HS2ST1: variants seen among roughly 807,000 people sequenced by gnomAD.
The protein encoded by HS2ST1 is 2-O-sulfotransferase.
A neutral mutation model predicts 42.9 loss-of-function variants in HS2ST1; 18 were observed. That is an observed-to-expected ratio of 0.42 (90% CI 0.29 to 0.62). The LOEUF is 0.62. Among genes scored for constraint, HS2ST1 ranks in the 20% least tolerant of loss-of-function variants. The pLI, the probability that HS2ST1 is intolerant of heterozygous loss-of-function variation, is 0.21. For synonymous variants in HS2ST1, 146 were observed against 152.9 expected (o/e 0.95, Z 0.33); for missense variants, 334 against 433.8 (o/e 0.77, Z 2.04).
In HS2ST1 at chr1:86,987,517, C is replaced by T. The variant is rs184228600; in HGVS notation, c.124+72357C>T. On this transcript the variant is annotated intron_variant, in intron 1 of 6. Coordinates refer to ENST00000370550, the MANE Select transcript of HS2ST1 (RefSeq NM_012262.4). ...CTCAAAACCATACTGCAGAATCAGC[C>T]TAAGGAGGTGATAATAATGCTTTGT... 1.1e-4 allele frequency among the ~76,000 whole-genome samples: 16 copies of T among 152,234 alleles called. No homozygotes were observed. The East Asian group carries it at 3.1e-3, about 29-fold the overall frequency.
chr1:87,043,384 C>T (rs1650568372), intron 1 of HS2ST1, among the ~76,000 whole-genome samples: 1 of 152,020 alleles, frequency 6.6e-6, no homozygotes, highest in Non-Finnish European at 1.5e-5. Flanking sequence ...CTAAATTAAG[C>T]CTTTAGATTG....
chr1:87,063,860 G>A (rs552097576), intron 1 of HS2ST1, among the ~76,000 whole-genome samples: 1 of 152,280 alleles, frequency 6.6e-6, no homozygotes, highest in African/African-American at 2.4e-5. Context: ...TTGGTATGAT[G>A]AATAAGTATT....
intron 1 of HS2ST1, among the ~76,000 whole-genome samples, chr1:87,014,334 A>T (rs1649687917): frequency 6.6e-6 from 1 of 151,910 alleles, no homozygotes; most frequent in Non-Finnish European, 1.5e-5. Context: ...GTGCAGGGGA[A>T]CTCCCCTTTA....
At chr1:87,024,580 T>A (rs905048111) in intron 1 of HS2ST1, among the ~76,000 whole-genome samples, 6 of 152,048 alleles carry the variant, frequency 3.9e-5, no homozygotes, top group Admixed American at 2.0e-4. Context: ...GGGACTATTG[T>A]GACCTTGAGC....
In HS2ST1 at chr1:86,914,891, A is replaced by G; in HGVS notation, c.-146A>G. 1.1e-6 allele frequency: 1 copy of G among 921,132 alleles called. No homozygotes were observed. Among genetic ancestry groups the G allele is most frequent in the Non-Finnish European group, 1.6e-6 (1 of 610,060 alleles). 57.1% of individuals were successfully genotyped at this position (921,132 alleles called of 1,614,324 possible). ...GGGGGAGGGGGACTGGAGAGGCGAG[A>G]AGGGGGGTCGCTGCGGTGGTTCTCT... On this transcript the variant is annotated 5_prime_UTR_variant, in exon 1 of 7. Transcript: ENST00000370550.
At chr1:86,915,693 C>T (rs951312252) in intron 1 of HS2ST1, among the ~76,000 whole-genome samples, 1 of 152,194 alleles carries the variant, frequency 6.6e-6, no homozygotes, top group Non-Finnish European at 1.5e-5. Flanking sequence ...GCGAGTTGCA[C>T]TCTTGTGCTC....
At chr1:86,919,113 T>C (rs1216549232) in intron 1 of HS2ST1, among the ~76,000 whole-genome samples, 1 of 151,804 alleles carries the variant, frequency 6.6e-6, no homozygotes, top group Non-Finnish European at 1.5e-5. Context: ...CCCAGGTAAT[T>C]TTTGTATTTT....
At chr1:86,960,623 AT>A (rs1327416164) in intron 1 of HS2ST1, among the ~76,000 whole-genome samples, 4 of 152,228 alleles carry the variant, frequency 2.6e-5, no homozygotes, top group Admixed American at 2.6e-4. Flanking sequence ...GGACAAAAAA[AT>A]CTGAACCTCC....
rs143492316 is a variant in HS2ST1 at position 87,028,427 on chromosome 1, T to C, written c.125-44507T>C. Among the ~76,000 whole-genome samples, 8 of 152,342 alleles carry C rather than the reference T, an allele frequency of 5.3e-5. No individual in the cohort carries two copies. The East Asian group carries it at 1.5e-3, about 29-fold the overall frequency. ...GTTTTACTGTCTTAAAAAAAATAAT[T>C]TGGGTACCCATTGAAGAGTATCCCA... On this transcript the variant is annotated intron_variant, in intron 1 of 6. Transcript: ENST00000370550.
At chr1:87,020,828 A>G (rs933144259) in intron 1 of HS2ST1, among the ~76,000 whole-genome samples, 54 of 152,204 alleles carry the variant, frequency 3.5e-4, no homozygotes, top group African/African-American at 1.2e-3. Flanking sequence ...ATTCAGAGGT[A>G]CTGGGGGTTA....
intron 1 of HS2ST1, among the ~76,000 whole-genome samples, chr1:86,942,028 G>A (rs1660773362): frequency 6.6e-6 from 1 of 152,184 alleles, no homozygotes; most frequent in African/African-American, 2.4e-5. Context: ...TCTGCATCTG[G>A]ATTGTTTTCA....
chr1:86,947,642 A>G (rs1162261650), intron 1 of HS2ST1, among the ~76,000 whole-genome samples: 1 of 150,842 alleles, frequency 6.6e-6, no homozygotes, highest in African/African-American at 2.4e-5. Flanking sequence ...TTCAGCAAAT[A>G]CTTAACAGTG....
intron 1 of HS2ST1, among the ~76,000 whole-genome samples, chr1:86,972,073 G>C (rs1174507626): frequency 1.3e-5 from 2 of 152,170 alleles, no homozygotes; most frequent in Non-Finnish European, 2.9e-5. Flanking sequence ...TAACCATAGA[G>C]TTTCATCATA....
chr1:87,102,060 A>AT (rs1354451376), intron 5 of HS2ST1, among the ~76,000 whole-genome samples: 3 of 150,478 alleles, frequency 2.0e-5, no homozygotes, highest in African/African-American at 7.3e-5. Flanking sequence ...TATTATTATT[A>AT]TTATTATTAT....
intron 2 of HS2ST1, among the ~76,000 whole-genome samples, chr1:87,076,364 A>G (rs1214494177): frequency 6.6e-6 from 1 of 152,200 alleles, no homozygotes; most frequent in Non-Finnish European, 1.5e-5. Context: ...TTGCTTTCAA[A>G]TAGGTCAGAA....
At chr1:87,082,365 C>T (rs767719536) in intron 2 of HS2ST1, among the ~76,000 whole-genome samples, 6 of 152,190 alleles carry the variant, frequency 3.9e-5, no homozygotes, top group African/African-American at 7.2e-5. Context: ...CTACAGTATA[C>T]TCCAAGCTTG....
chr1:86,949,854 A>G (rs1410706249), intron 1 of HS2ST1, among the ~76,000 whole-genome samples: 1 of 152,212 alleles, frequency 6.6e-6, no homozygotes, highest in Middle Eastern at 3.2e-3. Flanking sequence ...AATACCATAT[A>G]AAAAGGTAGT....
intron 1 of HS2ST1, among the ~76,000 whole-genome samples, chr1:87,060,703 A>C (rs1354243235): frequency 1.3e-5 from 2 of 152,276 alleles, no homozygotes; most frequent in Middle Eastern, 3.4e-3. Flanking sequence ...CAGATTGATA[A>C]TAAAAGAAGG....
At chr1:86,964,785 G>A (rs1163578613) in intron 1 of HS2ST1, among the ~76,000 whole-genome samples, 1 of 152,206 alleles carries the variant, frequency 6.6e-6, no homozygotes, top group Non-Finnish European at 1.5e-5. Context: ...AGGTGATTCA[G>A]TGCCAATCTG....
Sources: gnomAD v4.1 joint callset for allele counts (sites outside exome capture counted in the v4.1 genomes callset) on GRCh38, gnomAD v4.1.1 for gene constraint, MANE v1.5 for transcripts, NCBI Gene and HGNC (gene_info 2026-07-23, HGNC 2026-07-21) for gene names.